CHAT: variants seen among roughly 807,000 people sequenced by gnomAD.
CHAT encodes choline O-acetyltransferase.
Under a neutral mutation model 76.9 loss-of-function variants are expected in CHAT, and 61 were observed. The ratio of observed to expected loss-of-function variants is 0.79; its 90% CI spans 0.65 to 0.98. CHAT has a LOEUF of 0.98. Among genes scored for constraint, CHAT ranks in the 50% least tolerant of loss-of-function variants. The pLI is 0.00. For synonymous variants in CHAT, 407 were observed against 397.4 expected (o/e 1.02, Z -0.29); for missense variants, 946 against 986.9 (o/e 0.96, Z 0.56).
intron 2 of CHAT, 129 bp downstream of exon 2, chr10:49,616,731 A>C (rs1455735809): frequency 1.4e-6 from 1 of 731,420 alleles, no homozygotes; most frequent in Non-Finnish European, 2.4e-6. Context: ...TACTGGCACA[A>C]GGCCCAGGCT....
At chr10:49,663,885 C>T (rs946651165) in intron 14 of CHAT, among the ~76,000 whole-genome samples, 6 of 152,180 alleles carry the variant, frequency 3.9e-5, no homozygotes, top group African/African-American at 7.2e-5. Context: ...TTATGGCCTT[C>T]GGCTATTGCA....
chr10:49,617,337 T>C (rs1226627243), intron 2 of CHAT, among the ~76,000 whole-genome samples: 1 of 152,152 alleles, frequency 6.6e-6, no homozygotes, highest in Non-Finnish European at 1.5e-5. Context: ...CCCACCCCAT[T>C]GGGCTGTGGC....
chr10:49,637,038 CTCTT>C (rs1241245679), intron 7 of CHAT, among the ~76,000 whole-genome samples: 1 of 149,198 alleles, frequency 6.7e-6, no homozygotes, highest in African/African-American at 2.5e-5. Flanking sequence ...CTTTCTCCCT[CTCTT>C]TTTTTTTTTG....
chr10:49,627,541 G>A, intron 6 of CHAT, 67 bp from the exon 7 acceptor site: 31 of 1,520,408 alleles, frequency 2.0e-5, no homozygotes, highest in Non-Finnish European at 2.8e-5. Context: ...TACCTGTGAA[G>A]GCTGAGTGAA....
chr10:49,658,335 G>A (rs912985029), intron 13 of CHAT, among the ~76,000 whole-genome samples: 3 of 152,162 alleles, frequency 2.0e-5, no homozygotes, highest in Non-Finnish European at 4.4e-5. Context: ...GACCAACATG[G>A]AGAAACCACT....
upstream of CHAT, chr10:49,611,221 G>A (rs1336545964): frequency 6.2e-7 from 1 of 1,613,948 alleles, no homozygotes; most frequent in Non-Finnish European, 8.5e-7. Context: ...CGGCCTGGGC[G>A]TCATGTTCGC....
At chr10:49,654,018 A>G (rs1839958999) in intron 11 of CHAT, among the ~76,000 whole-genome samples, 1 of 152,264 alleles carries the variant, frequency 6.6e-6, no homozygotes, top group Admixed American at 6.5e-5. Flanking sequence ...TCCCATGAGC[A>G]GCATTCTTCA....
chr10:49,616,044 A>G, intron 1 of CHAT: 3 of 1,613,928 alleles, frequency 1.9e-6, no homozygotes, highest in Non-Finnish European at 2.5e-6. Context: ...ACCCTACTCC[A>G]CACCAGAGAT....
chr10:49,625,559 A>G lies in CHAT; in HGVS notation c.839A>G (p.Tyr280Cys), dbSNP rs1186633197. ...CAATACTATGGGCTCTTCTCCTCCT[A>G]CCGGCTCCCCGGCCATACCCAGGAC... ...MKQYYGLFSS[Y>C]RLPGHTQDTL... Residue 280 changes from tyrosine to cysteine, a missense_variant, in exon 6 of 15, where the codon TAC becomes TGC. Transcript: ENST00000337653. 1.2e-6 allele frequency: 2 copies of G among 1,612,912 alleles called. No individual in the cohort carries two copies. The highest frequency in any genetic ancestry group is 1.7e-6 in the Non-Finnish European group (2 of 1,179,740).
At chr10:49,629,879 C>T (rs373767187) in intron 7 of CHAT, among the ~76,000 whole-genome samples, 1 of 152,194 alleles carries the variant, frequency 6.6e-6, no homozygotes, top group South Asian at 2.1e-4. Context: ...AAAATGATTT[C>T]GGTTTCCCAG....
upstream of CHAT, among the ~76,000 whole-genome samples, chr10:49,610,031 G>A (rs527539788): frequency 6.6e-6 from 1 of 151,574 alleles, no homozygotes; most frequent in African/African-American, 2.4e-5. Flanking sequence ...GCGGGGGGCA[G>A]GCAGGGGGCG....
At chr10:49,622,070 G>A (rs1346356252) in intron 4 of CHAT, 27 bp from the exon 5 acceptor site, 11 of 1,018,566 alleles carry the variant, frequency 1.1e-5, no homozygotes, top group Non-Finnish European at 1.3e-5. Context: ...CTGGGAGGAA[G>A]GGCTCAGGCC....
chr10:49,612,946 G>T (rs1015306202), upstream of CHAT, among the ~76,000 whole-genome samples: 1 of 152,212 alleles, frequency 6.6e-6, no homozygotes, highest in Non-Finnish European at 1.5e-5. Flanking sequence ...GCCCAGGATA[G>T]ACCCTCTTTT....
In CHAT at chr10:49,625,525, T is replaced by G. The variant is rs1273821549; in HGVS notation, c.805T>G (p.Cys269Gly). 3.7e-6 allele frequency: 6 copies of G among 1,613,394 alleles called. No homozygotes were observed. The change falls in exon 6 of 15, where the codon TGC (cysteine) becomes GGC (glycine). Residue 269 changes from cysteine to glycine, a missense_variant. Coordinates refer to ENST00000337653, the MANE Select transcript of CHAT (RefSeq NM_020549.5). ...AKGQLSGQPLCMKQYYGLFSS... is the reference protein window; with the variant it reads ...AKGQLSGQPLGMKQYYGLFSS... ...AGGCCAGCTGTCAGGGCAGCCCCTT[T>G]GCATGAAGCAATACTATGGGCTCTT...
upstream of CHAT, chr10:49,611,886 G>A: frequency 6.2e-7 from 1 of 1,610,256 alleles, no homozygotes; most frequent in Non-Finnish European, 8.5e-7. Flanking sequence ...CCTTCGCGCC[G>A]CTAGTGGTCT....
chr10:49,631,769 G>T (rs1316795061), intron 7 of CHAT, among the ~76,000 whole-genome samples: 4 of 152,176 alleles, frequency 2.6e-5, no homozygotes, highest in African/African-American at 9.7e-5. Context: ...GGGTGCAGGG[G>T]TGAGACTGTC....
intron 1 of CHAT, chr10:49,615,932 G>A: frequency 8.9e-7 from 1 of 1,126,932 alleles, no homozygotes; most frequent in Non-Finnish European, 1.3e-6. Flanking sequence ...CACAGGCCAG[G>A]CTCCCAATTA....
intron 14 of CHAT, among the ~76,000 whole-genome samples, chr10:49,663,647 G>A (rs1013054599): frequency 2.6e-5 from 4 of 152,208 alleles, no homozygotes; most frequent in Non-Finnish European, 5.9e-5. Context: ...TGGTTTAGGA[G>A]GGGAAATGCC....
At chr10:49,610,823 C>T (rs1484304020), upstream of CHAT, 4 of 1,606,072 alleles carry the variant, frequency 2.5e-6, no homozygotes, top group Non-Finnish European at 2.5e-6. Context: ...CTGCAGGAGC[C>T]CCGGCGGCAG....
Sources: allele counts gnomAD v4.1 joint callset (sites outside exome capture counted in the v4.1 genomes callset), GRCh38; gene constraint gnomAD v4.1.1; transcripts MANE v1.5; gene names NCBI Gene and HGNC (gene_info 2026-07-23, HGNC 2026-07-21).